The following AXL variants were observed in gnomAD, a reference collection of about 807,000 sequenced individuals.
AXL encodes AXL receptor tyrosine kinase, also known as tyrosine-protein kinase receptor UFO.
A neutral mutation model predicts 104.5 loss-of-function variants in AXL; 52 were observed. The ratio of observed to expected loss-of-function variants is 0.50; its 90% CI spans 0.40 to 0.63. AXL has a LOEUF of 0.63. Among genes scored for constraint, AXL ranks in the 20% least tolerant of loss-of-function variants. The pLI is 0.00. For missense variants in AXL, 1,024 were observed against 1,188.5 expected, an observed-to-expected ratio of 0.86 and a Z score of 2.04; for synonymous variants, 455 against 473.7, an observed-to-expected ratio of 0.96 and a Z score of 0.51.
At position 41,252,431 on chromosome 19, in the gene AXL, A is replaced by G. The variant is rs1234947689; in HGVS notation, c.1792A>G (p.Met598Val). 1 of 1,613,996 alleles carries G rather than the reference A, an allele frequency of 6.2e-7. No individual in the cohort carries two copies. Among genetic ancestry groups the G allele is most frequent in the East Asian group, 2.2e-5 (1 of 44,848 alleles). Residue 598 changes from methionine (M) to valine (V), a missense_variant, in exon 15 of 20, where the codon ATG (methionine) becomes GTG (valine). By Grantham distance (21) the Met-to-Val change is conservative. This residue lies in a region of AXL where 523 missense variants were observed against 636.0 expected (regional missense o/e 0.82). Coordinates refer to ENST00000301178, the MANE Select transcript of AXL (RefSeq NM_021913.5). ...CMKEFDHPNV[M>V]RLIGVCFQGS... ...GAAGGAATTTGACCATCCCAACGTC[A>G]TGAGGCTCATCGGTGAGAGAGGGGC...
At position 41,258,540 on chromosome 19, in the gene AXL, A is replaced by G. The variant is rs188573917; in HGVS notation, c.2333+911A>G. 2.6e-3 allele frequency among the ~76,000 whole-genome samples: 401 copies of G among 152,264 alleles called. 2 individuals are homozygous for G. The highest frequency in any genetic ancestry group is 6.8e-3 in the Middle Eastern group (2 of 294). ...AGCGATTCTCTTGCCTCAGCCTCCC[A>G]AGTAGCTGGGACTACAGGCGTGTGC... On this transcript the variant is annotated intron_variant, in intron 19 of 19. Coordinates refer to ENST00000301178, the MANE Select transcript of AXL (RefSeq NM_021913.5).
intron 18 of AXL, among the ~76,000 whole-genome samples, chr19:41,256,902 T>C (rs192907030): frequency 2.6e-5 from 4 of 152,162 alleles, no homozygotes; most frequent in Non-Finnish European, 5.9e-5. Context: ...ACTCATAGAA[T>C]GTGGACAGCC....
intron 6 of AXL, among the ~76,000 whole-genome samples, chr19:41,233,418 C>T (rs1444864287): frequency 6.6e-6 from 1 of 151,678 alleles, no homozygotes; most frequent in Non-Finnish European, 1.5e-5. Context: ...GGCATGATAG[C>T]TCACGCCTGT....
At chr19:41,225,811 G>A (rs929277365) in intron 4 of AXL, among the ~76,000 whole-genome samples, 3 of 152,132 alleles carry the variant, frequency 2.0e-5, no homozygotes, top group Non-Finnish European at 4.4e-5. Flanking sequence ...CAGCCCCTGT[G>A]TGTTTAAGTG....
At chr19:41,222,370 T>A (rs1473730374) in intron 4 of AXL, among the ~76,000 whole-genome samples, 1 of 152,194 alleles carries the variant, frequency 6.6e-6, no homozygotes, top group Non-Finnish European at 1.5e-5. Flanking sequence ...CTGAATAGAA[T>A]TCTTTGTCCT....
chr19:41,259,678 T>C lies in AXL; in HGVS notation c.2459T>C (p.Leu820Pro), dbSNP rs766465554. Residue 820 changes from leucine (L) to proline (P), a missense_variant, in exon 20 of 20, where the codon CTC (leucine) becomes CCC (proline). By Grantham distance (98) the Leu-to-Pro change is moderately conservative. Transcript: ENST00000301178. ...CCTGCCCAGGAGCCTGACGAAATCC[T>C]CTATGTCAACATGGATGAGGGTGGA... is the stretch of plus-strand genomic sequence containing the variant. The part of the protein sequence containing the change: ...LPPAQEPDEI[L>P]YVNMDEGGGY... The C allele has an allele frequency of 6.2e-7, 1 of 1,614,020 alleles. No individual in the cohort carries two copies. Among genetic ancestry groups the C allele is most frequent in the South Asian group, 1.1e-5 (1 of 91,078 alleles).
chr19:41,238,632 G>C (rs558124651), intron 8 of AXL, 23 bp downstream of exon 8: 1 of 1,595,070 alleles, frequency 6.3e-7, no homozygotes, highest in Non-Finnish European at 8.6e-7. Context: ...GGTGGGATTG[G>C]AGTGGAGTGG....
chr19:41,229,878 C>G (rs2122216265), intron 4 of AXL, among the ~76,000 whole-genome samples: 1 of 152,134 alleles, frequency 6.6e-6, no homozygotes, highest in South Asian at 2.1e-4. Flanking sequence ...GTGTGTCTAG[C>G]AGGTGTGTGT....
rs2034123671 is a variant in AXL, at chr19:41,238,522, C to T, written c.1047C>T (p.Ala349=). 3 of 1,614,054 alleles carry T rather than the reference C, an allele frequency of 1.9e-6. No homozygotes were observed. Among genetic ancestry groups the T allele is most frequent in the South Asian group, 1.1e-5 (1 of 91,080 alleles). Residue 349 remains alanine (A), a synonymous_variant, in exon 8 of 20, where the codon GCC becomes GCT. Transcript: ENST00000301178. The part of the protein sequence containing the change: ...NISATRNGSQ[A]FVHWQEPRAP... ...GTGCTACGCGGAATGGGAGCCAGGCCTTCGTGCATTGGCAAGAGCCCCGGG... is the reference window on the plus strand; with the variant it reads ...GTGCTACGCGGAATGGGAGCCAGGCTTTCGTGCATTGGCAAGAGCCCCGGG...
intron 4 of AXL, among the ~76,000 whole-genome samples, chr19:41,229,901 G>A (rs896281712): frequency 1.3e-5 from 2 of 152,110 alleles, no homozygotes; most frequent in African/African-American, 4.8e-5. Flanking sequence ...TCATACTTGT[G>A]TCCTTGTGAG....
chr19:41,248,941 C>G, intron 14 of AXL, 121 bp downstream of exon 14: 1 of 1,009,504 alleles, frequency 9.9e-7, no homozygotes, highest in East Asian at 2.6e-5. Context: ...CAATGGAGCC[C>G]CTGCCAGGTA....
intron 6 of AXL, among the ~76,000 whole-genome samples, chr19:41,234,810 ATACT>A (rs1392037185): frequency 6.6e-6 from 1 of 152,158 alleles, no homozygotes; most frequent in Non-Finnish European, 1.5e-5. Flanking sequence ...CCTTCCTGAC[ATACT>A]GTGTGGCTGT....
At chr19:41,239,668 C>T in intron 9 of AXL, 26 bp from the exon 10 acceptor site, 1 of 1,614,148 alleles carries the variant, frequency 6.2e-7, no homozygotes, top group East Asian at 2.2e-5. Context: ...CTGAGCACAT[C>T]TCCTCTCTGT....
At position 41,243,624 on chromosome 19, in the gene AXL, T is replaced by C. The variant is rs558781160; in HGVS notation, c.1454T>C (p.Phe485Ser). The change falls in exon 12 of 20, where the codon TTT becomes TCT. Residue 485 changes from phenylalanine to serine, a missense_variant. This residue lies in a region of AXL where 523 missense variants were observed against 636.0 expected (regional missense o/e 0.82). Transcript: ENST00000301178. The stretch of plus-strand genomic sequence containing the variant: ...CTCCCCCTCCCCCCCAGAGAAGTGT[T>C]TGAACCAACAGTGGAAAGAGGTGAA... Reference protein sequence around the residue: ...RKKETRYGEVFEPTVERGELV... With the variant: ...RKKETRYGEVSEPTVERGELV... The C allele has an allele frequency of 3.1e-6, 5 of 1,613,810 alleles. No individual in the cohort carries two copies. The highest frequency in any genetic ancestry group is 1.1e-5 in the South Asian group (1 of 91,082).
Position 41,221,175 on chromosome 19 carries a change from G to T in AXL, c.338G>T (p.Gly113Val). The change falls in exon 3 of 20, where the codon GGA becomes GTA. Residue 113 changes from glycine (G) to valine (V), a missense_variant. Gly to Val is a moderately radical substitution (Grantham distance 109). This residue lies in a region of AXL where 41 missense variants were observed against 76.2 expected (regional missense o/e 0.54). Coordinates refer to ENST00000301178, the MANE Select transcript of AXL (RefSeq NM_021913.5). ...ACCTCCCTGCAGCTTTCCGACACGGGACAGTACCAGTGTTTGGTGTTTCTG... is the reference window on the plus strand; with the variant it reads ...ACCTCCCTGCAGCTTTCCGACACGGTACAGTACCAGTGTTTGGTGTTTCTG... ...RITSLQLSDTGQYQCLVFLGH... is the reference protein window; with the variant it reads ...RITSLQLSDTVQYQCLVFLGH... 1 of 1,614,062 alleles carries T rather than the reference G, an allele frequency of 6.2e-7. No individual in the cohort carries two copies.
In AXL at chr19:41,238,029, CCCCCCATCAG is replaced by C; in HGVS notation, c.871_880del (p.Pro291PhefsTer3). 1 of 1,613,924 alleles carries C rather than the reference CCCCCCATCAG, an allele frequency of 6.2e-7. No individual in the cohort carries two copies. The highest frequency in any genetic ancestry group is 8.5e-7 in the Non-Finnish European group (1 of 1,179,972). On this transcript the variant is annotated frameshift_variant, in exon 7 of 20. Coordinates refer to ENST00000301178, the MANE Select transcript of AXL (RefSeq NM_021913.5). LOFTEE classifies it high-confidence loss of function. ...CCCCTCACCTCGCAAGCATCCGTGCCCCCCCATCAGCTTCGGCTAGGCAGCCTCCATCCTC... is the reference window on the plus strand; with the variant it reads ...CCCCTCACCTCGCAAGCATCCGTGCCCTTCGGCTAGGCAGCCTCCATCCTC...
At chr19:41,234,040 T>C (rs1172371356) in intron 6 of AXL, among the ~76,000 whole-genome samples, 1 of 152,020 alleles carries the variant, frequency 6.6e-6, no homozygotes, top group East Asian at 1.9e-4. Context: ...GAGGTTCCTC[T>C]TCCTGTCTGT....
intron 2 of AXL, 90 bp from the exon 3 acceptor site, chr19:41,221,056 G>C (rs2033782021): frequency 1.5e-6 from 2 of 1,318,978 alleles, no homozygotes; most frequent in South Asian, 2.7e-5. Flanking sequence ...TGAGCTTCCA[G>C]ACTGGACACC....
At chr19:41,219,970 CTT>C (rs2033757308) in intron 1 of AXL, among the ~76,000 whole-genome samples, 1 of 151,914 alleles carries the variant, frequency 6.6e-6, no homozygotes, top group African/African-American at 2.4e-5. Context: ...GAGGCTCTCA[CTT>C]TGTCTCTCTG....
Sources: gnomAD v4.1 joint callset for allele counts (sites outside exome capture counted in the v4.1 genomes callset) on GRCh38, gnomAD v4.1.1 for gene constraint, gnomAD v4.1.1 regional missense constraint, MANE v1.5 for transcripts, NCBI Gene and HGNC (gene_info 2026-07-23, HGNC 2026-07-21) for gene names.